The following OAS1 variants were observed in gnomAD, a reference collection of about 807,000 sequenced individuals.
OAS1 encodes the protein 2'-5'-oligoadenylate synthetase 1, also known as 2'-5'-oligoadenylate synthase 1.
In OAS1, 24 loss-of-function variants were observed where a neutral mutation model predicts 38.5. The ratio of observed to expected loss-of-function variants is 0.62; its 90% confidence interval spans 0.45 to 0.88. The LOEUF (loss-of-function observed/expected upper bound fraction) is 0.88, where lower values mean the gene tolerates loss of function less well. Among genes scored for constraint, OAS1 ranks in the 40% least tolerant of loss-of-function variants. OAS1 has a pLI of 0.00. For synonymous variants in OAS1, 169 were observed against 193.9 expected, an observed-to-expected ratio of 0.87 and a Z score of 1.07; for missense variants, 482 against 493.9, an observed-to-expected ratio of 0.98 and a Z score of 0.23.
chr12:112,930,024 G>A lies in OAS1; in HGVS notation c.1168-1854G>A, dbSNP rs551304953. 1.1e-4 allele frequency among the ~76,000 whole-genome samples: 17 copies of A among 152,272 alleles called. No homozygotes were observed. In the East Asian group the frequency reaches 3.3e-3, roughly 29 times the overall value. ...GCCTGTTGGGAGGTGATTGGATCAT[G>A]GGGGTGGATTTCTCATGGGTAGTTT... On this transcript the variant is annotated intron_variant, in intron 6 of 6. Coordinates refer to the OAS1 transcript ENST00000540589.
chr12:112,916,962 G>A (rs749782601), intron 4 of OAS1: 1 of 527,914 alleles, frequency 1.9e-6, no homozygotes. Context: ...AGTAAACTGA[G>A]GTTCTGAGAG....
At chr12:112,918,940 C>T (rs2043500776) in intron 5 of OAS1, 1 of 248,284 alleles carries the variant, frequency 4.0e-6, no homozygotes, top group African/African-American at 2.2e-5. Context: ...TGGGGGAGAG[C>T]CACTGGAACC....
intron 3 of OAS1, among the ~76,000 whole-genome samples, chr12:112,913,493 C>T (rs1481609620): frequency 1.3e-5 from 2 of 152,052 alleles, no homozygotes; most frequent in Non-Finnish European, 2.9e-5. Flanking sequence ...GTATGTTAGA[C>T]CCTGCTCTAT....
In OAS1 at chr12:112,919,489, C is replaced by T; in HGVS notation, c.1139C>T (p.Pro380Leu). 6 of 1,614,168 alleles carry T rather than the reference C, an allele frequency of 3.7e-6. No individual in the cohort carries two copies. Among genetic ancestry groups the T allele is most frequent in the African/African-American group, 1.3e-5 (1 of 75,030 alleles). The change falls in exon 6 of 6, where the codon CCC becomes CTC. Residue 380 changes from proline to leucine, a missense_variant. Physicochemically the swap from Pro to Leu is moderately conservative, Grantham distance 98. Transcript: ENST00000202917. Reference sequence around the variant, plus strand: ...GAGTACCCTCATTTCTCTCATAGACCCAGCACACTCCAGGCAGCATCCACC... The same window carrying T: ...GAGTACCCTCATTTCTCTCATAGACTCAGCACACTCCAGGCAGCATCCACC... ...THEYPHFSHR[P>L]STLQAASTPQ...
intron 5 of OAS1, chr12:112,918,147 A>G (rs1222683167): frequency 9.3e-6 from 2 of 215,818 alleles, no homozygotes; most frequent in Non-Finnish European, 1.8e-5. Flanking sequence ...CTGTCGCCCA[A>G]ATAGTGAACA....
chr12:112,918,837 C>A, intron 5 of OAS1: 1 of 281,378 alleles, frequency 3.6e-6, no homozygotes, highest in Non-Finnish European at 7.3e-6. Flanking sequence ...CTTTCCACCT[C>A]CAAGCAGGAA....
intron 5 of OAS1, chr12:112,919,154 C>A (rs893666526): frequency 1.4e-5 from 7 of 485,538 alleles, no homozygotes; most frequent in African/African-American, 1.4e-4. Context: ...TGTGCTTGGG[C>A]ACCTTGGGAA....
At position 112,908,728 on chromosome 12, in the gene OAS1, C is replaced by T. The variant is rs745982177; in HGVS notation, c.373C>T (p.Arg125Cys). ...FSVKFEVQAP[R>C]WGNPRALSFV... ...CGTGAAGTTTGAGGTCCAGGCTCCA[C>T]GCTGGGGCAACCCCCGTGCGCTCAG... The change falls in exon 2 of 6, where the codon CGC becomes TGC. Residue 125 changes from arginine (R) to cysteine (C), a missense_variant. Coordinates refer to ENST00000202917, the MANE Select transcript of OAS1 (RefSeq NM_016816.4). 8 of 1,614,160 alleles carry T rather than the reference C, an allele frequency of 5.0e-6. No homozygotes were observed. The highest frequency in any genetic ancestry group is 3.3e-5 in the South Asian group (3 of 91,084).
chr12:112,915,049 T>C (rs2043437891), intron 3 of OAS1, among the ~76,000 whole-genome samples: 1 of 152,198 alleles, frequency 6.6e-6, no homozygotes, highest in African/African-American at 2.4e-5. Flanking sequence ...TTGTGAAGAT[T>C]TTCTCCCATT....
chr12:112,908,691 G>A lies in OAS1; in HGVS notation c.336G>A (p.Glu112=). 6.2e-7 allele frequency: 1 copy of A among 1,614,230 alleles called. No individual in the cohort carries two copies. Among genetic ancestry groups the A allele is most frequent in the Non-Finnish European group, 8.5e-7 (1 of 1,180,048 alleles). The change falls in exon 2 of 6, where the codon GAG becomes GAA. Residue 112 remains glutamate, a synonymous_variant. Coordinates refer to ENST00000202917, the MANE Select transcript of OAS1 (RefSeq NM_016816.4). ...IRRQLEACQR[E]RAFSVKFEVQ... Reference sequence around the variant, plus strand: ...GACAGCTGGAAGCCTGTCAAAGAGAGAGAGCATTTTCCGTGAAGTTTGAGG... The same window carrying A: ...GACAGCTGGAAGCCTGTCAAAGAGAAAGAGCATTTTCCGTGAAGTTTGAGG...
At chr12:112,926,716 A>G (rs569277159) in intron 6 of OAS1, among the ~76,000 whole-genome samples, 7 of 152,320 alleles carry the variant, frequency 4.6e-5, no homozygotes, top group Non-Finnish European at 1.0e-4. Context: ...ATGCATTGTC[A>G]TTGATAAACA....
chr12:112,915,853 C>T lies in OAS1; in HGVS notation c.655-656C>T, dbSNP rs137930354. 3.9e-5 allele frequency among the ~76,000 whole-genome samples: 6 copies of T among 152,174 alleles called. No homozygotes were observed. The East Asian group carries it at 5.8e-4, about 15-fold the overall frequency. On this transcript the variant is annotated intron_variant, in intron 3 of 5. Transcript: ENST00000202917. ...TCCTAGTTATTTTAAAGTCTGTGTT[C>T]GGTCTTTCAGCATTTAAAGTTTGTA...
intron 2 of OAS1, among the ~76,000 whole-genome samples, chr12:112,909,732 C>T (rs1057402867): frequency 6.6e-6 from 1 of 152,206 alleles, no homozygotes; most frequent in African/African-American, 2.4e-5. Flanking sequence ...CACCTCAAAA[C>T]ACCACAGTGA....
intron 2 of OAS1, among the ~76,000 whole-genome samples, chr12:112,909,960 C>T (rs1274372290): frequency 6.6e-6 from 1 of 151,698 alleles, no homozygotes; most frequent in African/African-American, 2.4e-5. Flanking sequence ...CCTAGGGCAG[C>T]CATGAAAAAA....
At chr12:112,921,474 G>A (rs574978386), downstream of OAS1, among the ~76,000 whole-genome samples, 1 of 152,338 alleles carries the variant, frequency 6.6e-6, no homozygotes, top group Non-Finnish European at 1.5e-5. Flanking sequence ...ATGGCCACGT[G>A]ATCAGCCTTC....
At chr12:112,911,710 C>T (rs1310492103) in intron 3 of OAS1, among the ~76,000 whole-genome samples, 3 of 152,202 alleles carry the variant, frequency 2.0e-5, no homozygotes, top group Non-Finnish European at 4.4e-5. Context: ...TCTGTTCTTT[C>T]TGCTTTCTTA....
At chr12:112,928,463 G>A (rs1438335831) in intron 6 of OAS1, among the ~76,000 whole-genome samples, 1 of 152,226 alleles carries the variant, frequency 6.6e-6, no homozygotes, top group African/African-American at 2.4e-5. Context: ...TAAAACAACT[G>A]TGAAGTGATT....
chr12:112,918,233 G>A (rs2043490780), intron 5 of OAS1: 4 of 196,012 alleles, frequency 2.0e-5, no homozygotes, highest in African/African-American at 2.4e-5. Flanking sequence ...AGTGTCTATT[G>A]TTCCCATCTT....
chr12:112,929,466 T>C (rs1032933737), intron 6 of OAS1, among the ~76,000 whole-genome samples: 1 of 152,242 alleles, frequency 6.6e-6, no homozygotes, highest in Non-Finnish European at 1.5e-5. Flanking sequence ...CCTTTATAAA[T>C]TCTGCATTTG....
Sources: allele counts gnomAD v4.1 joint callset (sites outside exome capture counted in the v4.1 genomes callset), GRCh38; gene constraint gnomAD v4.1.1; transcripts MANE v1.5; gene names NCBI Gene and HGNC (gene_info 2026-07-23, HGNC 2026-07-21).